Variants in SPTAN1 observed in about 807,000 individuals in gnomAD.
SPTAN1 encodes the protein spectrin alpha, non-erythrocytic 1, also known as spectrin alpha chain, non-erythrocytic 1.
In SPTAN1, 61 loss-of-function variants were observed where a neutral mutation model predicts 331.3. The ratio of observed to expected loss-of-function variants is 0.18; its 90% confidence interval spans 0.15 to 0.23. The LOEUF (loss-of-function observed/expected upper bound fraction) is 0.23, where lower values mean the gene tolerates loss of function less well. Ranked by LOEUF, SPTAN1 falls within the 10% of genes least tolerant of loss-of-function variation. The pLI is 1.00. For missense variants in SPTAN1, 2,043 were observed against 3,147.9 expected (o/e 0.65, Z 8.40); for synonymous variants, 1,153 against 1,173.9 (o/e 0.98, Z 0.36).
rs1360286742 is a variant in SPTAN1, at chr9:128,563,419, C to CA, written c.-3-3313dup. ...AACAGAGTGAGACCCTGCCAAAAAA[C>CA]AAAAAACAAAAAAACGCCACTTTCT... is the stretch of plus-strand genomic sequence containing the variant. On this transcript the variant is annotated intron_variant, in intron 1 of 56. Coordinates refer to ENST00000372739, the MANE Select transcript of SPTAN1 (RefSeq NM_001130438.3). Among the ~76,000 whole-genome samples the CA allele has an allele frequency of 2.5e-4, 38 of 150,492 alleles. No homozygotes were observed. The East Asian group carries it at 5.9e-3, about 23-fold the overall frequency.
chr9:128,633,246 A>C lies in SPTAN1; in HGVS notation c.7346A>C (p.His2449Pro). 1 of 1,613,894 alleles carries C rather than the reference A, an allele frequency of 6.2e-7. No homozygotes were observed. Among genetic ancestry groups the C allele is most frequent in the Non-Finnish European group, 8.5e-7 (1 of 1,179,982 alleles). Reference sequence around the variant, plus strand: ...GAACAAGCCGACTACTGCGTCTCCCACATGAAGCCCTACGTGGACGGCAAG... The same window carrying C: ...GAACAAGCCGACTACTGCGTCTCCCCCATGAAGCCCTACGTGGACGGCAAG... ...TREQADYCVS[H>P]MKPYVDGKGR... Residue 2449 changes from histidine (H) to proline (P), a missense_variant, in exon 57 of 57, where the codon CAC (histidine) becomes CCC (proline). Physicochemically the swap from His to Pro is moderately conservative, Grantham distance 77. Transcript: ENST00000372739.
chr9:128,584,198 G>A lies in SPTAN1; in HGVS notation c.2194-84G>A, dbSNP rs1257116719. 5.0e-6 allele frequency: 8 copies of A among 1,599,710 alleles called. No individual in the cohort carries two copies. In the East Asian group the frequency reaches 6.7e-5, roughly 13 times the overall value. On this transcript the variant is annotated intron_variant, in intron 16 of 56. Coordinates refer to ENST00000372739, the MANE Select transcript of SPTAN1 (RefSeq NM_001130438.3). Reference sequence around the variant, plus strand: ...TAGCAGAAAGAATCCTCTCAGGAATGGAAAAAAGACCTTATCAATTTTTCT... The same window carrying A: ...TAGCAGAAAGAATCCTCTCAGGAATAGAAAAAAGACCTTATCAATTTTTCT...
chr9:128,590,974 C>T (rs10988052), intron 21 of SPTAN1, among the ~76,000 whole-genome samples: 137,310 of 152,210 alleles, frequency 0.9, 63,260 homozygotes, highest in Non-Finnish European at 0.99. Context: ...GGCGGCATTG[C>T]TCTTCTGCCT....
In SPTAN1 at chr9:128,584,551, A is replaced by G. The variant is rs1452347646; in HGVS notation, c.2437+26A>G. The G allele has an allele frequency of 7.4e-6, 12 of 1,613,912 alleles. No homozygotes were observed. In the African/African-American group the frequency reaches 1.3e-4, roughly 18 times the overall value. ...GTCAGTCTGCTTCCCTCAGGTAGGA[A>G]TCAACTTGGGAAAGGCTGTGCTATT... On this transcript the variant is annotated intron_variant, in intron 17 of 56. Coordinates refer to ENST00000372739, the MANE Select transcript of SPTAN1 (RefSeq NM_001130438.3).
At position 128,581,074 on chromosome 9, in the gene SPTAN1, A is replaced by C. The variant is rs752480020; in HGVS notation, c.1461+15A>C. On this transcript the variant is annotated intron_variant, in intron 11 of 56. Coordinates refer to ENST00000372739, the MANE Select transcript of SPTAN1 (RefSeq NM_001130438.3). ...GCAAGCAGGAGGTAATCTGTGAGCA[A>C]AGCCTTGCCAGTGGTGGGAGAAGAA... is the stretch of plus-strand genomic sequence containing the variant. 6 of 1,613,668 alleles carry C rather than the reference A, an allele frequency of 3.7e-6. No individual in the cohort carries two copies. Among genetic ancestry groups the C allele is most frequent in the Middle Eastern group, 1.6e-4 (1 of 6,070 alleles).
In SPTAN1 at chr9:128,632,890, G is replaced by A; in HGVS notation, c.7243G>A (p.Glu2415Lys). 1 of 1,613,968 alleles carries A rather than the reference G, an allele frequency of 6.2e-7. No individual in the cohort carries two copies. Among genetic ancestry groups the A allele is most frequent in the Non-Finnish European group, 8.5e-7 (1 of 1,180,040 alleles). ...TENVKSSEEIESAFRALSSEG... is the reference protein window; with the variant it reads ...TENVKSSEEIKSAFRALSSEG... Reference sequence around the variant, plus strand: ...GAACGTCAAGTCCAGCGAGGAGATTGAGAGCGCCTTCCGGGCCCTCAGCTC... The same window carrying A: ...GAACGTCAAGTCCAGCGAGGAGATTAAGAGCGCCTTCCGGGCCCTCAGCTC... Residue 2415 changes from glutamate (E) to lysine (K), a missense_variant, in exon 56 of 57, where the codon GAG (glutamate) becomes AAG (lysine). By Grantham distance (56) the Glu-to-Lys change is moderately conservative (BLOSUM62 1). This residue lies in a region of SPTAN1 where 88 missense variants were observed against 96.5 expected (regional missense o/e 0.91). Coordinates refer to ENST00000372739, the MANE Select transcript of SPTAN1 (RefSeq NM_001130438.3).
intron 40 of SPTAN1, among the ~76,000 whole-genome samples, chr9:128,614,756 CAG>C (rs772554445): frequency 6.6e-6 from 1 of 152,012 alleles, no homozygotes; most frequent in South Asian, 2.1e-4. Flanking sequence ...TCTTGGATGA[CAG>C]AGCAAGGAAA....
chr9:128,599,026 A>G, intron 26 of SPTAN1, 40 bp downstream of exon 26: 1 of 1,603,972 alleles, frequency 6.2e-7, no homozygotes, highest in Non-Finnish European at 8.5e-7. Flanking sequence ...GAACATGAGA[A>G]GGACTTAAAT....
chr9:128,627,772 C>G lies in SPTAN1; in HGVS notation c.6690-153C>G, dbSNP rs1157945858. 4 of 1,039,636 alleles carry G rather than the reference C, an allele frequency of 3.8e-6. No individual in the cohort carries two copies. In the South Asian group the frequency reaches 5.1e-5, roughly 13 times the overall value. 64.4% of individuals were successfully genotyped at this position (1,039,636 alleles called of 1,614,324 possible). A position where few individuals can be genotyped will look rare whatever the true frequency, so the allele number is the denominator to read the frequency against. ...GGCGCGTGGTCAGCCCCAGCCATGA[C>G]TTGGTGACAGACGATGCAGGGTCTG... is the stretch of plus-strand genomic sequence containing the variant. On this transcript the variant is annotated intron_variant, in intron 50 of 56. Coordinates refer to ENST00000372739, the MANE Select transcript of SPTAN1 (RefSeq NM_001130438.3). This position sits in a 1 kb window ranked among gnomAD's most constrained non-coding sequence, Gnocchi z 4.9.
At chr9:128,622,851 C>T (rs1224104554) in intron 45 of SPTAN1, among the ~76,000 whole-genome samples, 2 of 150,574 alleles carry the variant, frequency 1.3e-5, no homozygotes, top group African/African-American at 4.9e-5. Flanking sequence ...CTCCTGGGTT[C>T]AAGTGACTCT....
chr9:128,617,223 A>C (rs1053221002), intron 41 of SPTAN1, among the ~76,000 whole-genome samples: 1 of 151,916 alleles, frequency 6.6e-6, no homozygotes, highest in Non-Finnish European at 1.5e-5. Flanking sequence ...TGGGCAACAG[A>C]ATGAGACTCT....
At chr9:128,626,754 C>A in intron 49 of SPTAN1, 67 bp downstream of exon 49, 1 of 1,447,910 alleles carries the variant, frequency 6.9e-7, no homozygotes, top group Non-Finnish European at 9.3e-7. Context: ...CTGCTCAGAG[C>A]CCACACTTAA....
chr9:128,573,105 C>T (rs113188774), intron 3 of SPTAN1, among the ~76,000 whole-genome samples: 4 of 152,106 alleles, frequency 2.6e-5, no homozygotes, highest in Non-Finnish European at 5.9e-5. Context: ...GTGTTTAAAC[C>T]GCTTTGTTTG....
In SPTAN1 at chr9:128,607,956, G is replaced by A; in HGVS notation, c.4251G>A (p.Lys1417=). Reference sequence around the variant, plus strand: ...GACACTATGCCAGCCCTGAGATCAAGCAGAAACTTGATATTCTTGACCAGG... The same window carrying A: ...GACACTATGCCAGCCCTGAGATCAAACAGAAACTTGATATTCTTGACCAGG... ...AHGHYASPEI[K]QKLDILDQER... Residue 1417 remains lysine (K), a synonymous_variant, in exon 33 of 57, where the codon AAG becomes AAA. Transcript: ENST00000372739. 6.2e-7 allele frequency: 1 copy of A among 1,614,092 alleles called. No homozygotes were observed. The highest frequency in any genetic ancestry group is 2.2e-5 in the East Asian group (1 of 44,882).
rs1211120205 is a variant in SPTAN1 at position 128,568,911 on chromosome 9, G to C, written c.363+14G>C. The C allele has an allele frequency of 1.2e-6, 2 of 1,613,906 alleles. No individual in the cohort carries two copies. Among genetic ancestry groups the C allele is most frequent in the Non-Finnish European group, 1.7e-6 (2 of 1,179,856 alleles). ...GAAACCATACGGGTGAGTATGAGTA[G>C]CTCGTGGAGTGGATGGCTTCATCTG... is the stretch of plus-strand genomic sequence containing the variant. On this transcript the variant is annotated intron_variant, in intron 3 of 56. Coordinates refer to ENST00000372739, the MANE Select transcript of SPTAN1 (RefSeq NM_001130438.3).
chr9:128,621,015 C>T, intron 44 of SPTAN1, 143 bp from the exon 45 acceptor site: 2 of 729,526 alleles, frequency 2.7e-6, no homozygotes, highest in Non-Finnish European at 5.0e-6. Flanking sequence ...ATTAATGTTC[C>T]TCTTTATTAT....
intron 1 of SPTAN1, among the ~76,000 whole-genome samples, chr9:128,553,808 G>C (rs1335978453): frequency 6.6e-6 from 1 of 152,100 alleles, no homozygotes; most frequent in African/African-American, 2.4e-5. Context: ...GGCTGTTCGG[G>C]AAGAACAGGA....
At chr9:128,597,441 T>C (rs115115952) in intron 24 of SPTAN1, among the ~76,000 whole-genome samples, 4,750 of 152,246 alleles carry the variant, frequency 0.031, 249 homozygotes, top group African/African-American at 0.11. Context: ...GGAGGATTGC[T>C]TGAGCCTGGG....
At chr9:128,583,760 A>G (rs1452792265) in intron 15 of SPTAN1, 28 bp from the exon 16 acceptor site, 14 of 1,613,668 alleles carry the variant, frequency 8.7e-6, no homozygotes, top group Non-Finnish European at 1.2e-5. Context: ...GCTAAGCAGT[A>G]CAAAATTAAA....
Sources: allele counts gnomAD v4.1 joint callset (sites outside exome capture counted in the v4.1 genomes callset), GRCh38; gene constraint gnomAD v4.1.1; regional missense constraint gnomAD v4.1.1; non-coding constraint Gnocchi (gnomAD v3.1); transcripts MANE v1.5; gene names NCBI Gene and HGNC (gene_info 2026-07-23, HGNC 2026-07-21).